EP300: variants seen among roughly 807,000 people sequenced by gnomAD.
The protein encoded by EP300 is EP300 lysine acetyltransferase.
Under a neutral mutation model 264.0 loss-of-function variants are expected in EP300, and 31 were observed. The ratio of observed to expected loss-of-function variants is 0.12; its 90% CI spans 0.09 to 0.16. EP300 has a LOEUF of 0.16. Ranked by LOEUF, EP300 falls within the 10% of genes least tolerant of loss-of-function variation. The pLI is 1.00. For missense variants in EP300, 2,766 were observed against 3,052.9 expected, an observed-to-expected ratio of 0.91 and a Z score of 2.21; for synonymous variants, 1,340 against 1,045.4, an observed-to-expected ratio of 1.28 and a Z score of -5.44.
chr22:41,150,052 A>C lies in EP300; in HGVS notation c.2671A>C (p.Thr891Pro), dbSNP rs200499648. ...AAGGCAGACACCTACACCACCAACA[A>C]CACAACTTCCCCAACAAGTGCAGCC... ...PPRQTPTPPT[T>P]QLPQQVQPSL... is the part of the protein sequence containing the mutation. The change falls in exon 14 of 31, where the codon ACA (threonine) becomes CCA (proline). Residue 891 changes from threonine to proline, a missense_variant. Physicochemically the swap from Thr to Pro is conservative, Grantham distance 38. Transcript: ENST00000263253. 1.2e-5 allele frequency: 19 copies of C among 1,613,664 alleles called. No homozygotes were observed. The African/African-American group carries it at 1.6e-4, about 14-fold the overall frequency.
In EP300 at chr22:41,164,053, G is replaced by A; in HGVS notation, c.3729G>A (p.Leu1243=). The A allele has an allele frequency of 6.2e-7, 1 of 1,614,144 alleles. No individual in the cohort carries two copies. Among genetic ancestry groups the A allele is most frequent in the East Asian group, 2.2e-5 (1 of 44,880 alleles). Residue 1243 remains leucine (L), a splice_region_variant and synonymous_variant, in exon 22 of 31, where the codon CTG becomes CTA. Coordinates refer to ENST00000263253, the MANE Select transcript of EP300 (RefSeq NM_001429.4). ...TTTGGAATTGGCTCTGCTCTTCCAG[G>A]TTTGTTGAATGTACAGAGTGCGGAA... is the stretch of plus-strand genomic sequence containing the variant. ...KRKNDTLDPE[L]FVECTECGRK...
At chr22:41,176,577 C>G (rs1435405676) in intron 30 of EP300, 49 bp downstream of exon 30, 3 of 1,611,942 alleles carry the variant, frequency 1.9e-6, no homozygotes, top group Admixed American at 3.3e-5. Flanking sequence ...CAGGGTTGTT[C>G]TGAGGGGCCA....
chr22:41,150,371 G>T (rs754273473), intron 14 of EP300, among the ~76,000 whole-genome samples, 173 bp downstream of exon 14: 9 of 152,104 alleles, frequency 5.9e-5, no homozygotes, highest in Non-Finnish European at 1.2e-4. Flanking sequence ...TCCTGTGATA[G>T]TACCTATCGT....
rs2059232528 is a variant in EP300 at position 41,179,879 on chromosome 22, CTCACACACACA to C, written c.*924_*934del. 130 of 140,218 alleles carry C rather than the reference CTCACACACACA, an allele frequency of 9.3e-4. 3 individuals are homozygous for C. Among genetic ancestry groups the C allele is most frequent in the East Asian group, 4.0e-3 (39 of 9,756 alleles). 8.7% of individuals were successfully genotyped at this position (140,218 alleles called of 1,614,324 possible). ...TTCTTCCTCCTTACCCTACCCCCCA[CTCACACACACA>C]CACACACACACACACACACACACAC... On this transcript the variant is annotated 3_prime_UTR_variant, in exon 31 of 31. Coordinates refer to ENST00000263253, the MANE Select transcript of EP300 (RefSeq NM_001429.4).
chr22:41,156,322 G>C (rs1305471053), intron 17 of EP300, among the ~76,000 whole-genome samples: 3 of 152,162 alleles, frequency 2.0e-5, no homozygotes, highest in Non-Finnish European at 4.4e-5. Context: ...CACTTTCGTT[G>C]TTTCAAGAGC....
chr22:41,149,823 G>T lies in EP300; in HGVS notation c.2442G>T (p.Gly814=). ...NSPIMPPGSQ[G]SHIHCPQLPQ... Reference sequence around the variant, plus strand: ...CTATAATGCCTCCAGGGTCTCAGGGGAGCCACATTCACTGTCCCCAGCTTC... The same window carrying T: ...CTATAATGCCTCCAGGGTCTCAGGGTAGCCACATTCACTGTCCCCAGCTTC... The change falls in exon 14 of 31, where the codon GGG becomes GGT. Residue 814 remains glycine (G), a synonymous_variant. Coordinates refer to ENST00000263253, the MANE Select transcript of EP300 (RefSeq NM_001429.4). 7 of 1,613,982 alleles carry T rather than the reference G, an allele frequency of 4.3e-6. No individual in the cohort carries two copies. Among genetic ancestry groups the T allele is most frequent in the Non-Finnish European group, 5.1e-6 (6 of 1,179,992 alleles).
chr22:41,138,548 T>C (rs1184528241), intron 8 of EP300, among the ~76,000 whole-genome samples: 1 of 152,126 alleles, frequency 6.6e-6, no homozygotes, highest in Non-Finnish European at 1.5e-5. Flanking sequence ...GCAGTTTATT[T>C]TTGAGAAGTT....
chr22:41,131,480 A>G lies in EP300; in HGVS notation c.1375A>G (p.Ile459Val), dbSNP rs764518848. ...CCCCAACCTAAGCACTGTTAGTCAG[A>G]TTGATCCCAGCTCCATAGAAAGAGC... ...SAPNLSTVSQ[I>V]DPSSIERAYA... The change falls in exon 6 of 31, where the codon ATT becomes GTT. Residue 459 changes from isoleucine (I) to valine (V), a missense_variant. Transcript: ENST00000263253. 1.2e-6 allele frequency: 2 copies of G among 1,614,114 alleles called. No individual in the cohort carries two copies. Among genetic ancestry groups the G allele is most frequent in the Non-Finnish European group, 1.7e-6 (2 of 1,180,022 alleles).
intron 1 of EP300, among the ~76,000 whole-genome samples, chr22:41,103,634 A>G (rs1003311316): frequency 3.9e-5 from 6 of 152,154 alleles, no homozygotes; most frequent in African/African-American, 1.4e-4. Flanking sequence ...TGAAGCTAAC[A>G]TGTTTCTGAT....
intron 16 of EP300, 145 bp downstream of exon 16, chr22:41,152,495 G>GT: frequency 1.2e-6 from 1 of 810,658 alleles, no homozygotes; most frequent in Non-Finnish European, 1.9e-6. Flanking sequence ...TCTCTTCATT[G>GT]TTACTAATAA....
intron 7 of EP300, 47 bp downstream of exon 7, chr22:41,135,953 C>T (rs2058948452): frequency 1.5e-6 from 2 of 1,350,876 alleles, no homozygotes; most frequent in African/African-American, 1.4e-5. Context: ...ACAAATACTA[C>T]TGGTTAACAA....
Position 41,177,186 on chromosome 22 carries a change from C to T in EP300, c.5475C>T (p.Ala1825=), listed in dbSNP as rs199573217. The T allele has an allele frequency of 6.8e-6, 11 of 1,614,090 alleles. No individual in the cohort carries two copies. The highest frequency in any genetic ancestry group is 9.3e-6 in the Non-Finnish European group (11 of 1,180,008). Residue 1825 remains alanine (A), a synonymous_variant, in exon 31 of 31, where the codon GCC becomes GCT. Coordinates refer to ENST00000263253, the MANE Select transcript of EP300 (RefSeq NM_001429.4). ...AGCTGCAGCACCGACTACAGCAGGC[C>T]CAAATGCTTCGCAGGAGGATGGCCA... ...QQQLQHRLQQ[A]QMLRRRMASM...
chr22:41,178,980 G>A lies in EP300; in HGVS notation c.*24G>A, dbSNP rs575190212. 2.0e-4 allele frequency: 325 copies of A among 1,610,634 alleles called. 3 individuals carry two copies. In the South Asian group the frequency reaches 3.3e-3, roughly 17 times the overall value. On this transcript the variant is annotated 3_prime_UTR_variant, in exon 31 of 31. Coordinates refer to ENST00000263253, the MANE Select transcript of EP300 (RefSeq NM_001429.4). ...AGAGACACCTTGTAGTATTTTGGGA[G>A]CAAAAAAATTATTTTCTCTTAACAA... is the stretch of plus-strand genomic sequence containing the variant.
At position 41,146,794 on chromosome 22, in the gene EP300, G is replaced by C. The variant is rs2145732439; in HGVS notation, c.2109G>C (p.Met703Ile). ...GTGGCAGTGTGCCAAACCAGATGAT[G>C]CCTCGAATAACTCCACAATCTGGTA... ...MIRGSVPNQM[M>I]PRITPQSGLN... The change falls in exon 11 of 31, where the codon ATG becomes ATC. Residue 703 changes from methionine (M) to isoleucine (I), a missense_variant. Physicochemically the swap from Met to Ile is conservative, Grantham distance 10 (BLOSUM62 1). Coordinates refer to ENST00000263253, the MANE Select transcript of EP300 (RefSeq NM_001429.4). 6.2e-7 allele frequency: 1 copy of C among 1,614,066 alleles called. No homozygotes were observed. The highest frequency in any genetic ancestry group is 1.1e-5 in the South Asian group (1 of 91,070).
chr22:41,131,918 C>T (rs968934485), intron 6 of EP300, among the ~76,000 whole-genome samples: 4 of 151,882 alleles, frequency 2.6e-5, no homozygotes, highest in African/African-American at 9.7e-5. Context: ...TGTAGACGGG[C>T]CGGGCATGGT....
rs2059177973 is a variant in EP300 at position 41,172,743 on chromosome 22, G to T, written c.4617+80G>T. 4.8e-6 allele frequency: 7 copies of T among 1,465,894 alleles called. No individual in the cohort carries two copies. The Admixed American group carries it at 1.2e-4, about 24-fold the overall frequency. The allele number at this position is 1,465,894 out of a possible 1,614,324, so 90.8% of individuals were successfully genotyped here. A position where few individuals can be genotyped will look rare whatever the true frequency, so the allele number is the denominator to read the frequency against. On this transcript the variant is annotated intron_variant, in intron 28 of 30. Transcript: ENST00000263253. ...AGAAGTGCACTTAAACTTTCAATTG[G>T]GTTTTAAAGCTTTCAGGTGTAAAAG...
chr22:41,095,759 C>G (rs2145670082), intron 1 of EP300, among the ~76,000 whole-genome samples: 1 of 151,918 alleles, frequency 6.6e-6, no homozygotes, highest in East Asian at 1.9e-4. Context: ...ATTCTAGCAC[C>G]TAAAACTTTT....
chr22:41,103,642 G>T (rs1453228727), intron 1 of EP300, among the ~76,000 whole-genome samples: 1 of 152,156 alleles, frequency 6.6e-6, no homozygotes, highest in East Asian at 1.9e-4. Context: ...ACATGTTTCT[G>T]ATGTGGCTAG....
chr22:41,149,913 T>C lies in EP300; in HGVS notation c.2532T>C (p.His844=), dbSNP rs1243627796. 6.2e-7 allele frequency: 1 copy of C among 1,611,434 alleles called. No individual in the cohort carries two copies. Among genetic ancestry groups the C allele is most frequent in the Admixed American group, 1.7e-5 (1 of 59,766 alleles). Residue 844 remains histidine (H), a synonymous_variant, in exon 14 of 31, where the codon CAT becomes CAC. Transcript: ENST00000263253. ...PVPSRTPTPH[H]TPPSIGAQQP... is the part of the protein sequence containing the mutation. Reference sequence around the variant, plus strand: ...CTAGTCGTACCCCCACCCCTCACCATACTCCCCCAAGCATAGGGGCTCAGC... The same window carrying C: ...CTAGTCGTACCCCCACCCCTCACCACACTCCCCCAAGCATAGGGGCTCAGC...
Sources: allele counts gnomAD v4.1 joint callset (sites outside exome capture counted in the v4.1 genomes callset), GRCh38; gene constraint gnomAD v4.1.1; transcripts MANE v1.5; gene names NCBI Gene and HGNC (gene_info 2026-07-23, HGNC 2026-07-21).